The following TRPM3 variants were observed in gnomAD, a reference collection of about 807,000 sequenced individuals.
TRPM3 encodes the protein transient receptor potential cation channel subfamily M member 3, also known as long transient receptor potential channel 3.
A neutral mutation model predicts 181.2 loss-of-function variants in TRPM3; 77 were observed. That is an observed-to-expected ratio of 0.42 (90% CI 0.35 to 0.51). TRPM3 has a LOEUF of 0.51. Ranked by LOEUF, TRPM3 falls within the 20% of genes least tolerant of loss-of-function variation. The probability of loss-of-function intolerance (pLI) is 0.01; values close to 1 mark genes in which losing one functional copy is unlikely to be tolerated. For missense variants in TRPM3, 1,759 were observed against 2,196.7 expected (o/e 0.80, Z 3.98); for synonymous variants, 745 against 796.4 (o/e 0.94, Z 1.09).
intron 1 of TRPM3, among the ~76,000 whole-genome samples, chr9:71,156,284 T>G (rs1463431805): frequency 1.3e-5 from 2 of 151,586 alleles, no homozygotes; most frequent in Admixed American, 6.6e-5. Flanking sequence ...GGCACGTCAT[T>G]AAATTCTTTA....
Position 71,440,950 on chromosome 9 carries a change from A to C in TRPM3, c.183+5703T>G, listed in dbSNP as rs2094128297. On this transcript the variant is annotated intron_variant, in intron 1 of 24. Transcript: ENST00000357533. ...TTCCATTGTTTTTAAAGATCTAGTA[A>C]TTAATCGCAGGAGAAGCTGTTCTAA... 2.0e-5 allele frequency among the ~76,000 whole-genome samples: 3 copies of C among 152,216 alleles called. No individual in the cohort carries two copies. The South Asian group carries it at 6.2e-4, about 32-fold the overall frequency.
chr9:71,054,095 T>A (rs2060382211), intron 1 of TRPM3, among the ~76,000 whole-genome samples: 1 of 152,128 alleles, frequency 6.6e-6, no homozygotes, highest in Non-Finnish European at 1.5e-5. Flanking sequence ...TTTAGCATGA[T>A]GTGTGGTACA....
chr9:71,155,972 C>T (rs976980823), intron 1 of TRPM3, among the ~76,000 whole-genome samples: 1 of 152,064 alleles, frequency 6.6e-6, no homozygotes, highest in Non-Finnish European at 1.5e-5. Flanking sequence ...GTGAGCTTGG[C>T]TCATCTGGTA....
At chr9:71,114,124 T>A (rs1180455706) in intron 1 of TRPM3, among the ~76,000 whole-genome samples, 3 of 152,204 alleles carry the variant, frequency 2.0e-5, no homozygotes, top group Non-Finnish European at 4.4e-5. Flanking sequence ...CTATTTTATC[T>A]ATCTATCTAC....
chr9:70,585,427 C>T (rs902286316), intron 22 of TRPM3, among the ~76,000 whole-genome samples: 1 of 152,168 alleles, frequency 6.6e-6, no homozygotes, highest in Non-Finnish European at 1.5e-5. Context: ...CCAGCTTCTA[C>T]TAAGCTCCAG....
At chr9:70,640,688 G>A in intron 9 of TRPM3, 28 bp from the exon 10 acceptor site, 2 of 1,580,396 alleles carry the variant, frequency 1.3e-6, no homozygotes, top group Non-Finnish European at 1.7e-6. Flanking sequence ...GGAGAAAAGA[G>A]TGGAAGAGAG....
intron 1 of TRPM3, among the ~76,000 whole-genome samples, chr9:71,037,956 G>A (rs909660681): frequency 1.3e-5 from 2 of 152,278 alleles, no homozygotes; most frequent in East Asian, 3.9e-4. Context: ...TTGCTGCTAA[G>A]GTTTTTATAT....
chr9:70,660,411 G>A (rs950203023), intron 9 of TRPM3, among the ~76,000 whole-genome samples: 2 of 152,006 alleles, frequency 1.3e-5, no homozygotes, highest in Non-Finnish European at 2.9e-5. Context: ...TCTCTGCTTC[G>A]AGTTGTCCTG....
At chr9:71,037,448 G>A (rs1392064733) in intron 1 of TRPM3, among the ~76,000 whole-genome samples, 2 of 152,228 alleles carry the variant, frequency 1.3e-5, no homozygotes, top group Non-Finnish European at 2.9e-5. Flanking sequence ...AGTGCTCCAT[G>A]AACATTTTTA....
At chr9:71,300,065 C>G (rs1202485440) in intron 1 of TRPM3, among the ~76,000 whole-genome samples, 1 of 152,060 alleles carries the variant, frequency 6.6e-6, no homozygotes, top group Non-Finnish European at 1.5e-5. Flanking sequence ...ACAATTATCT[C>G]TGTGCTTGGA....
intron 1 of TRPM3, among the ~76,000 whole-genome samples, chr9:71,163,130 C>T (rs896813066): frequency 6.6e-6 from 1 of 152,094 alleles, no homozygotes; most frequent in Non-Finnish European, 1.5e-5. Flanking sequence ...CATCTAAGGA[C>T]AACTTTAACC....
Position 70,537,249 on chromosome 9 carries a change from G to A in TRPM3, c.3864C>T (p.Ala1288=), listed in dbSNP as rs916605838. ...ALERLTGLER[A]ESNKIRSRTS... The stretch of plus-strand genomic sequence containing the variant: ...TCCTCGAGCGGATTTTGTTGGACTC[G>A]GCCCGCTCCAGACCTGTCAGGCGCT... The change falls in exon 26 of 26, where the codon GCC becomes GCT. Residue 1288 remains alanine, a synonymous_variant. Coordinates refer to ENST00000677713, the MANE Select transcript of TRPM3 (RefSeq NM_001366145.2). 7 of 1,596,346 alleles carry A rather than the reference G, an allele frequency of 4.4e-6. No individual in the cohort carries two copies. The highest frequency in any genetic ancestry group is 1.1e-5 in the South Asian group (1 of 89,900).
At chr9:70,920,082 A>G (rs2096639777) in intron 1 of TRPM3, among the ~76,000 whole-genome samples, 1 of 152,220 alleles carries the variant, frequency 6.6e-6, no homozygotes, top group African/African-American at 2.4e-5. Context: ...AACTGACAGA[A>G]CAGAGACATT....
chr9:70,746,491 T>C (rs1285048705), intron 8 of TRPM3, among the ~76,000 whole-genome samples: 1 of 152,146 alleles, frequency 6.6e-6, no homozygotes, highest in Non-Finnish European at 1.5e-5. Flanking sequence ...GACTTATCTG[T>C]AAGGCACAGA....
intron 1 of TRPM3, among the ~76,000 whole-genome samples, chr9:71,322,128 G>A (rs368991269): frequency 6.6e-6 from 1 of 152,108 alleles, no homozygotes; most frequent in Non-Finnish European, 1.5e-5. Flanking sequence ...AGACAACTTG[G>A]ATTTTGTGTT....
chr9:70,999,483 T>C (rs921734980), intron 1 of TRPM3, among the ~76,000 whole-genome samples: 2 of 152,144 alleles, frequency 1.3e-5, no homozygotes, highest in Non-Finnish European at 2.9e-5. Flanking sequence ...AAAGAAACCT[T>C]CATGTTTTAT....
chr9:70,989,994 TTC>T (rs2097461355), intron 1 of TRPM3, among the ~76,000 whole-genome samples: 1 of 152,152 alleles, frequency 6.6e-6, no homozygotes, highest in African/African-American at 2.4e-5. Flanking sequence ...GTCATAACAT[TTC>T]TCTGAGAAAG....
chr9:70,808,246 G>A (rs2091131735), intron 6 of TRPM3, among the ~76,000 whole-genome samples: 3 of 152,102 alleles, frequency 2.0e-5, no homozygotes, highest in Admixed American at 2.0e-4. Context: ...TCAAACATTG[G>A]CAACCCAAAT....
At chr9:70,761,755 C>G (rs926412158) in intron 7 of TRPM3, 31 bp from the exon 8 acceptor site, 1 of 1,591,802 alleles carries the variant, frequency 6.3e-7, no homozygotes, top group Admixed American at 1.7e-5. Context: ...AAAAGCAGGT[C>G]AACCAACTCC....
Sources: allele counts gnomAD v4.1 joint callset (sites outside exome capture counted in the v4.1 genomes callset), GRCh38; gene constraint gnomAD v4.1.1; transcripts MANE v1.5; gene names NCBI Gene and HGNC (gene_info 2026-07-23, HGNC 2026-07-21).